The following MEGF11 variants were observed in gnomAD, a reference collection of about 807,000 sequenced individuals.
MEGF11 encodes multiple EGF like domains 11.
In MEGF11, 126 loss-of-function variants were observed where a neutral mutation model predicts 146.6. The ratio of observed to expected loss-of-function variants is 0.86; its 90% CI spans 0.74 to 1.00. The LOEUF (loss-of-function observed/expected upper bound fraction) is 1.00, where lower values mean the gene tolerates loss of function less well. MEGF11 is among the 50% of genes least tolerant of loss of function. The pLI, the probability that MEGF11 is intolerant of heterozygous loss-of-function variation, is 0.00. For synonymous variants in MEGF11, 532 were observed against 583.4 expected, an observed-to-expected ratio of 0.91 and a Z score of 1.27; for missense variants, 1,509 against 1,521.2, an observed-to-expected ratio of 0.99 and a Z score of 0.13.
chr15:66,139,144 C>T (rs902511709), intron 1 of MEGF11, among the ~76,000 whole-genome samples: 3 of 152,210 alleles, frequency 2.0e-5, no homozygotes, highest in African/African-American at 7.2e-5. Context: ...ACAACCATCT[C>T]ACAGCCACAT....
At chr15:66,169,105 C>T (rs1034339132) in intron 1 of MEGF11, among the ~76,000 whole-genome samples, 12 of 152,368 alleles carry the variant, frequency 7.9e-5, no homozygotes, top group South Asian at 4.1e-4. Flanking sequence ...TTCTGTTAGA[C>T]TGCACTATCT....
chr15:66,234,341 T>C (rs1174499348), intron 1 of MEGF11, among the ~76,000 whole-genome samples: 1 of 152,260 alleles, frequency 6.6e-6, no homozygotes, highest in East Asian at 1.9e-4. Flanking sequence ...TTTAAGCCTC[T>C]GATATCATGC....
At chr15:65,983,297 G>A (rs1055974704) in intron 5 of MEGF11, among the ~76,000 whole-genome samples, 5 of 152,204 alleles carry the variant, frequency 3.3e-5, no homozygotes, top group Non-Finnish European at 7.3e-5. Flanking sequence ...AGAGATAGCT[G>A]AGCCAGTGTT....
At chr15:66,235,056 G>A (rs887711252) in intron 1 of MEGF11, among the ~76,000 whole-genome samples, 1 of 152,116 alleles carries the variant, frequency 6.6e-6, no homozygotes, top group Non-Finnish European at 1.5e-5. Context: ...GAGAGGGGGC[G>A]CCACGCTTTC....
chr15:66,202,589 C>T (rs1412756784), intron 1 of MEGF11, among the ~76,000 whole-genome samples: 2 of 152,338 alleles, frequency 1.3e-5, no homozygotes, highest in East Asian at 3.9e-4. Flanking sequence ...CAACATCCTG[C>T]TCACCCTCCT....
Position 65,934,109 on chromosome 15 carries a change from G to A in MEGF11, c.1288-3166C>T, listed in dbSNP as rs541294442. 5.9e-5 allele frequency among the ~76,000 whole-genome samples: 9 copies of A among 152,274 alleles called. No homozygotes were observed. The South Asian group carries it at 1.9e-3, about 32-fold the overall frequency. ...CAGGTATGGTCTTGGAGGACGGAAT[G>A]ACCACTCCCTGAGGGCCACTGTTCC... On this transcript the variant is annotated intron_variant, in intron 10 of 25. Transcript: ENST00000395614.
chr15:65,924,750 C>T (rs894564559), intron 13 of MEGF11, among the ~76,000 whole-genome samples: 3 of 151,562 alleles, frequency 2.0e-5, no homozygotes, highest in Admixed American at 6.6e-5. Context: ...TTCAGCCTTC[C>T]GAGTAGCTGG....
Position 65,906,234 on chromosome 15 carries a change from C to A in MEGF11, c.2999-93G>T, listed in dbSNP as rs559687019. On this transcript the variant is annotated intron_variant, in intron 23 of 25. Coordinates refer to ENST00000395614, the MANE Select transcript of MEGF11 (RefSeq NM_001385028.1). ...TCTTTCTTTTCTTGCTTTTCCCCCCCCTTCTCCCCTACCCAGAAAATAAAT... is the reference window on the plus strand; with the variant it reads ...TCTTTCTTTTCTTGCTTTTCCCCCCACTTCTCCCCTACCCAGAAAATAAAT... 8.5e-4 allele frequency: 737 copies of A among 863,536 alleles called. 1 individual carries two copies. The highest frequency in any genetic ancestry group is 1.2e-3 in the Non-Finnish European group (654 of 534,224). 53.5% of individuals were successfully genotyped at this position (863,536 alleles called of 1,614,324 possible).
intron 19 of MEGF11, among the ~76,000 whole-genome samples, chr15:65,914,700 G>A (rs1420145996): frequency 6.6e-6 from 1 of 152,196 alleles, no homozygotes; most frequent in East Asian, 1.9e-4. Context: ...CATCACTAGG[G>A]AGGTAAATGT....
At chr15:66,140,581 T>C (rs1187534778) in intron 1 of MEGF11, among the ~76,000 whole-genome samples, 1 of 152,208 alleles carries the variant, frequency 6.6e-6, no homozygotes, top group Non-Finnish European at 1.5e-5. Flanking sequence ...TTCTGTGGCG[T>C]GCCCACAAAT....
chr15:66,053,714 AATTTT>A (rs1159585664), intron 5 of MEGF11, among the ~76,000 whole-genome samples: 449 of 42,214 alleles, frequency 0.011, 34 homozygotes, highest in Non-Finnish European at 0.019. Context: ...CCCTGGCACC[AATTTT>A]TTTTTTTTTT....
chr15:66,056,090 C>T (rs929022240), intron 5 of MEGF11, among the ~76,000 whole-genome samples: 4 of 152,138 alleles, frequency 2.6e-5, no homozygotes, highest in Admixed American at 1.3e-4. Context: ...CATTTCACCC[C>T]CTTCCCCAGC....
chr15:65,954,520 C>G (rs1399475246), intron 10 of MEGF11, among the ~76,000 whole-genome samples: 1 of 152,138 alleles, frequency 6.6e-6, no homozygotes, highest in East Asian at 1.9e-4. Context: ...CAACAGAGCC[C>G]CAGAGGAGCC....
In MEGF11 at chr15:66,209,072, C is replaced by T. The variant is rs915991130; in HGVS notation, c.-9+44533G>A. ...TTTCTTTAAAAACTAAACATGCAGG[C>T]CGGGCACGGTGTTCACGCCTGTAAT... On this transcript the variant is annotated intron_variant, in intron 1 of 25. Coordinates refer to ENST00000395614, the MANE Select transcript of MEGF11 (RefSeq NM_001385028.1). 6.6e-5 allele frequency among the ~76,000 whole-genome samples: 10 copies of T among 152,036 alleles called. No homozygotes were observed. In the South Asian group the frequency reaches 1.0e-3, roughly 16 times the overall value.
At chr15:66,141,347 C>T (rs981377874) in intron 1 of MEGF11, among the ~76,000 whole-genome samples, 1 of 149,830 alleles carries the variant, frequency 6.7e-6, no homozygotes, top group African/African-American at 2.5e-5. Flanking sequence ...GAGCTTCCTC[C>T]ATGCTCACGA....
chr15:65,916,198 C>T lies in MEGF11; in HGVS notation c.2294G>A (p.Ser765Asn). ...CQNGASCDHI[S>N]GKCTCRTGFT... is the part of the protein sequence containing the mutation. The stretch of plus-strand genomic sequence containing the variant: ...GCCTGTGCGGCAGGTGCACTTGCCA[C>T]TGATGTGGTCACAGCTGGCGCCATT... Residue 765 changes from serine (S) to asparagine (N), a missense_variant, in exon 18 of 26, where the codon AGT becomes AAT. Ser to Asn is a conservative substitution (Grantham distance 46). Coordinates refer to ENST00000395614, the MANE Select transcript of MEGF11 (RefSeq NM_001385028.1). The T allele has an allele frequency of 6.3e-7, 1 of 1,581,142 alleles. No homozygotes were observed. The highest frequency in any genetic ancestry group is 8.6e-7 in the Non-Finnish European group (1 of 1,163,512).
At chr15:66,024,765 CT>C (rs1438874614) in intron 5 of MEGF11, among the ~76,000 whole-genome samples, 1 of 152,090 alleles carries the variant, frequency 6.6e-6, no homozygotes. Context: ...CTATAAAGGG[CT>C]TTGTGGGTGG....
chr15:66,021,250 A>G (rs913326965), intron 5 of MEGF11, among the ~76,000 whole-genome samples: 1 of 152,172 alleles, frequency 6.6e-6, no homozygotes, highest in Non-Finnish European at 1.5e-5. Flanking sequence ...AAGTAGAGGA[A>G]GGTTGGGCTC....
intron 1 of MEGF11, among the ~76,000 whole-genome samples, chr15:66,209,176 C>A (rs998252605): frequency 6.6e-6 from 1 of 151,928 alleles, no homozygotes; most frequent in Non-Finnish European, 1.5e-5. Flanking sequence ...CGGTGAAACC[C>A]CATCGCTACT....
Sources: gnomAD v4.1 joint callset for allele counts (sites outside exome capture counted in the v4.1 genomes callset) on GRCh38, gnomAD v4.1.1 for gene constraint, MANE v1.5 for transcripts, NCBI Gene and HGNC (gene_info 2026-07-23, HGNC 2026-07-21) for gene names.